Variants in ANO10 observed in about 807,000 individuals in gnomAD.
ANO10 encodes anoctamin-10.
In ANO10, 77 loss-of-function variants were observed where a neutral mutation model predicts 74.7. The observed-to-expected ratio is 1.03, with a 90% CI of 0.86 to 1.25. The LOEUF is 1.25. ANO10 is among the 50% of genes most tolerant of loss of function. The pLI is 0.00. For synonymous variants in ANO10, 279 were observed against 284.9 expected (o/e 0.98, Z 0.21); for missense variants, 721 against 778.1 (o/e 0.93, Z 0.87).
chr3:43,576,735 C>A lies in ANO10; in HGVS notation c.1119G>T (p.Met373Ile), dbSNP rs2149401573. The A allele has an allele frequency of 1.9e-6, 3 of 1,614,160 alleles. No homozygotes were observed. The East Asian group carries it at 6.7e-5, about 36-fold the overall frequency. ...CGGCAGCATATCGATAGAGACGATT[C>A]ATGATCTCAATCACAATGGCATAGA... ...SIIYAIVIEI[M>I]NRLYRYAAEF... Residue 373 changes from methionine to isoleucine, a missense_variant, in exon 6 of 13, where the codon ATG becomes ATT. Transcript: ENST00000292246.
At chr3:43,684,097 A>G (rs139669789) in intron 1 of ANO10, among the ~76,000 whole-genome samples, 1 of 152,352 alleles carries the variant, frequency 6.6e-6, no homozygotes, top group East Asian at 1.9e-4. Context: ...AGTTAAACTA[A>G]AGAGCTTCCA....
intron 1 of ANO10, among the ~76,000 whole-genome samples, chr3:43,615,677 G>A (rs549264763): frequency 6.6e-5 from 10 of 150,540 alleles, no homozygotes; most frequent in African/African-American, 2.4e-4. Context: ...TTCTTGAGAC[G>A]GAGTCTCATT....
intron 11 of ANO10, among the ~76,000 whole-genome samples, chr3:43,440,631 A>C (rs1034044376): frequency 6.6e-6 from 1 of 152,194 alleles, no homozygotes; most frequent in African/African-American, 2.4e-5. Flanking sequence ...ACTGCACTTC[A>C]ATAATGGATA....
chr3:43,599,900 T>C (rs2127724), intron 3 of ANO10, among the ~76,000 whole-genome samples: 115,360 of 150,570 alleles, frequency 0.77, 44,599 homozygotes, highest in East Asian at 0.89. Context: ...AGCGAGACTC[T>C]GTCTCAAAAA....
chr3:43,417,500 A>C (rs2092759022), intron 12 of ANO10, among the ~76,000 whole-genome samples: 1 of 152,064 alleles, frequency 6.6e-6, no homozygotes, highest in Non-Finnish European at 1.5e-5. Flanking sequence ...TTCCTCTCGG[A>C]AGTCCCCTCT....
intron 1 of ANO10, among the ~76,000 whole-genome samples, chr3:43,646,965 T>C (rs2083732351): frequency 6.6e-6 from 1 of 152,110 alleles, no homozygotes. Context: ...ACTGGCTTGT[T>C]GTGAAAAGCG....
intron 12 of ANO10, among the ~76,000 whole-genome samples, chr3:43,428,795 G>GAAAAAAA (rs1245373022): frequency 1.8e-3 from 6 of 3,392 alleles, no homozygotes; most frequent in Non-Finnish European, 5.2e-3. Context: ...CTTTGTGAAT[G>GAAAAAAA]CAAAAAAAAA....
intron 11 of ANO10, among the ~76,000 whole-genome samples, chr3:43,461,355 G>T (rs1215045783): frequency 2.0e-5 from 3 of 152,178 alleles, no homozygotes; most frequent in Admixed American, 2.0e-4. Context: ...ATCTATTAAA[G>T]ATATTGAATT....
chr3:43,686,287 TTTA>T (rs2084273970), intron 1 of ANO10, among the ~76,000 whole-genome samples: 1 of 152,046 alleles, frequency 6.6e-6, no homozygotes, highest in Non-Finnish European at 1.5e-5. Context: ...GTCTAAAACT[TTTA>T]TTCTTTTTTT....
At chr3:43,474,874 G>A (rs2076005583) in intron 11 of ANO10, among the ~76,000 whole-genome samples, 1 of 150,332 alleles carries the variant, frequency 6.7e-6, no homozygotes, top group South Asian at 2.1e-4. Context: ...TTTTCTCTCT[G>A]ATTTTATTAT....
chr3:43,490,020 G>T (rs2076656998), intron 11 of ANO10, among the ~76,000 whole-genome samples: 1 of 152,186 alleles, frequency 6.6e-6, no homozygotes, highest in Non-Finnish European at 1.5e-5. Context: ...TGCCTTAAGG[G>T]TTCAGAAGTC....
At chr3:43,673,750 G>A (rs2084088163) in intron 1 of ANO10, among the ~76,000 whole-genome samples, 1 of 152,096 alleles carries the variant, frequency 6.6e-6, no homozygotes, top group Non-Finnish European at 1.5e-5. Context: ...GAAGGCAGAG[G>A]AAAAGAACAC....
At chr3:43,503,690 A>G (rs2149157303) in intron 11 of ANO10, among the ~76,000 whole-genome samples, 1 of 152,236 alleles carries the variant, frequency 6.6e-6, no homozygotes, top group East Asian at 1.9e-4. Context: ...CAAATAAAAT[A>G]GTTTCAAACA....
intron 10 of ANO10, chr3:43,551,625 A>C (rs1374256854): frequency 2.2e-6 from 1 of 454,614 alleles, no homozygotes; most frequent in South Asian, 1.6e-5. Context: ...TGCATATTCC[A>C]AAATCACATA....
intron 4 of ANO10, among the ~76,000 whole-genome samples, chr3:43,584,220 GT>G (rs2081377094): frequency 6.6e-6 from 1 of 152,218 alleles, no homozygotes; most frequent in African/African-American, 2.4e-5. Context: ...TTGTCATGTG[GT>G]GGAATGAGGG....
chr3:43,604,390 G>A (rs1394351292), intron 2 of ANO10, among the ~76,000 whole-genome samples: 2 of 151,988 alleles, frequency 1.3e-5, no homozygotes, highest in Non-Finnish European at 2.9e-5. Flanking sequence ...AAACCAAATT[G>A]CATCTCAACT....
Position 43,686,452 on chromosome 3 carries a change from A to G in ANO10, c.-12+5065T>C, listed in dbSNP as rs1423987001. On this transcript the variant is annotated intron_variant, in intron 1 of 3. Transcript: ENST00000413397. ...AAGGCACATGCCATTACACCCAGCTAATTTTTCACTTTTGGTAGAGATGGG... is the reference window on the plus strand; with the variant it reads ...AAGGCACATGCCATTACACCCAGCTGATTTTTCACTTTTGGTAGAGATGGG... 2.6e-5 allele frequency among the ~76,000 whole-genome samples: 4 copies of G among 152,154 alleles called. No individual in the cohort carries two copies. The South Asian group carries it at 8.3e-4, about 32-fold the overall frequency.
chr3:43,575,928 C>T (rs1480206424), intron 6 of ANO10, among the ~76,000 whole-genome samples: 3 of 152,214 alleles, frequency 2.0e-5, no homozygotes. Context: ...TGAGCCACTG[C>T]GTCTGGCCCC....
At chr3:43,649,385 C>G (rs2083761758) in intron 1 of ANO10, among the ~76,000 whole-genome samples, 1 of 152,170 alleles carries the variant, frequency 6.6e-6, no homozygotes, top group Admixed American at 6.5e-5. Context: ...CTGATTATAG[C>G]TGCTTTTGTT....
Sources: gnomAD v4.1 joint callset for allele counts (sites outside exome capture counted in the v4.1 genomes callset) on GRCh38, gnomAD v4.1.1 for gene constraint, MANE v1.5 for transcripts, NCBI Gene and HGNC (gene_info 2026-07-23, HGNC 2026-07-21) for gene names.